The following TYW1 variants were observed in gnomAD, a reference collection of about 807,000 sequenced individuals.
TYW1 encodes the protein S-adenosyl-L-methionine-dependent tRNA 4-demethylwyosine synthase TYW1.
TYW1 carries 46 observed loss-of-function variants against 96.2 expected under a neutral mutation model. That is an observed-to-expected ratio of 0.48 (90% CI 0.38 to 0.61). TYW1 has a LOEUF of 0.61. Among genes scored for constraint, TYW1 ranks in the 20% least tolerant of loss-of-function variants. TYW1 has a pLI of 0.00. For missense variants in TYW1, 684 were observed against 909.6 expected (o/e 0.75, Z 3.19); for synonymous variants, 274 against 323.0 (o/e 0.85, Z 1.63).
At chr7:67,105,652 G>A (rs970603582) in intron 12 of TYW1, among the ~76,000 whole-genome samples, 2 of 152,190 alleles carry the variant, frequency 1.3e-5, no homozygotes, top group Admixed American at 6.5e-5. Flanking sequence ...CCCTGAGGCT[G>A]AGTGTCATCT....
At chr7:67,211,863 G>A (rs4504527) in intron 15 of TYW1, among the ~76,000 whole-genome samples, 40,658 of 151,968 alleles carry the variant, frequency 0.27, 5,768 homozygotes, top group African/African-American at 0.36. Flanking sequence ...TTAGGTCAGC[G>A]TCTTTCCCCC....
intron 13 of TYW1, among the ~76,000 whole-genome samples, chr7:67,139,353 A>G (rs1195562365): frequency 2.0e-5 from 3 of 152,188 alleles, no homozygotes; most frequent in South Asian, 2.1e-4. Context: ...TGCCCGGCCT[A>G]TTTATGGATC....
intron 14 of TYW1, among the ~76,000 whole-genome samples, chr7:67,189,259 A>G (rs1426279585): frequency 9.2e-5 from 14 of 152,036 alleles, no homozygotes; most frequent in Admixed American, 9.2e-4. Context: ...TGCCCTCGGC[A>G]TCTTTTCTCC....
chr7:67,061,843 C>T (rs534166500), intron 9 of TYW1, among the ~76,000 whole-genome samples: 10 of 152,128 alleles, frequency 6.6e-5, no homozygotes, highest in South Asian at 4.1e-4. Flanking sequence ...ATAGCTTATG[C>T]GAGAAAAATG....
At chr7:67,172,598 T>C (rs1358328245) in intron 13 of TYW1, among the ~76,000 whole-genome samples, 1 of 152,056 alleles carries the variant, frequency 6.6e-6, no homozygotes, top group African/African-American at 2.4e-5. Context: ...TTTTTTTGTA[T>C]TTTTAGTAGA....
chr7:67,117,288 T>TA lies in TYW1; in HGVS notation c.1563-189dup, dbSNP rs1797624330. ...GTATTAGGGATGGTTTCCAGTCATT[T>TA]AAAAAATAACCAGAGGCCGTCCCAT... On this transcript the variant is annotated intron_variant, in intron 12 of 15. Transcript: ENST00000359626. Among the ~76,000 whole-genome samples the TA allele has an allele frequency of 2.6e-5, 4 of 152,294 alleles. No homozygotes were observed. In the South Asian group the frequency reaches 8.3e-4, roughly 32 times the overall value.
chr7:67,076,101 A>G (rs973874220), intron 10 of TYW1, among the ~76,000 whole-genome samples: 2 of 152,104 alleles, frequency 1.3e-5, no homozygotes, highest in Admixed American at 6.6e-5. Flanking sequence ...GCATTCCACA[A>G]TTTACTTCCT....
At chr7:67,006,848 T>G (rs1457867228) in intron 3 of TYW1, among the ~76,000 whole-genome samples, 8 of 150,126 alleles carry the variant, frequency 5.3e-5, no homozygotes, top group Non-Finnish European at 1.2e-4. Context: ...GGTGCCAACA[T>G]CCACTTGGCT....
chr7:67,138,532 ATATT>A (rs1176485664), intron 13 of TYW1, among the ~76,000 whole-genome samples: 7 of 152,098 alleles, frequency 4.6e-5, no homozygotes, highest in African/African-American at 1.7e-4. Flanking sequence ...ATGTTTGACT[ATATT>A]GTCAACCTGT....
At chr7:67,197,446 C>T (rs35120837) in intron 15 of TYW1, among the ~76,000 whole-genome samples, 26 of 151,828 alleles carry the variant, frequency 1.7e-4, no homozygotes, top group Admixed American at 1.5e-3. Flanking sequence ...CTGCCTTAGC[C>T]GCCCGAGTAG....
chr7:67,124,024 A>G (rs2116014922), intron 13 of TYW1, among the ~76,000 whole-genome samples: 1 of 152,324 alleles, frequency 6.6e-6, no homozygotes, highest in South Asian at 2.1e-4. Context: ...TAAAGAAGTC[A>G]AAGGCATTTC....
In TYW1 at chr7:67,038,330, G is replaced by C. The variant is rs566598167; in HGVS notation, c.985-11619G>C. Among the ~76,000 whole-genome samples the C allele has an allele frequency of 6.6e-5, 10 of 151,692 alleles. No homozygotes were observed. The South Asian group carries it at 2.1e-3, about 32-fold the overall frequency. On this transcript the variant is annotated intron_variant, in intron 7 of 15. Coordinates refer to ENST00000359626, the MANE Select transcript of TYW1 (RefSeq NM_018264.4). The stretch of plus-strand genomic sequence containing the variant: ...TAAATTCACGTCCACACCAGGCCGG[G>C]CTTGGTGGCTCATTCCTGTAATCCC...
intron 13 of TYW1, among the ~76,000 whole-genome samples, chr7:67,120,491 T>C (rs1374445835): frequency 6.6e-6 from 1 of 152,212 alleles, no homozygotes; most frequent in African/African-American, 2.4e-5. Flanking sequence ...TCTTTTGCTG[T>C]TTTATGCCCG....
chr7:67,234,861 C>G (rs1428891518), intron 15 of TYW1, among the ~76,000 whole-genome samples: 2 of 151,864 alleles, frequency 1.3e-5, no homozygotes, highest in African/African-American at 4.8e-5. Flanking sequence ...AGTGCATTGC[C>G]TGCAGTTTTG....
chr7:67,001,776 T>C (rs1010520847), intron 3 of TYW1, among the ~76,000 whole-genome samples: 2 of 150,162 alleles, frequency 1.3e-5, no homozygotes, highest in African/African-American at 4.9e-5. Flanking sequence ...CTCATGCCTG[T>C]AATCTCAGCA....
intron 3 of TYW1, among the ~76,000 whole-genome samples, chr7:67,006,271 T>A (rs1793583627): frequency 6.6e-6 from 1 of 152,126 alleles, no homozygotes; most frequent in Admixed American, 6.6e-5. Context: ...CTCTTGTTCC[T>A]GCCATGTCAT....
chr7:67,132,947 A>G (rs545867415), intron 13 of TYW1, among the ~76,000 whole-genome samples: 95 of 152,216 alleles, frequency 6.2e-4, no homozygotes, highest in Middle Eastern at 3.4e-3. Context: ...CTTTGTGCAC[A>G]TGTGCAATAA....
chr7:67,073,920 A>G (rs1217465243), intron 10 of TYW1, among the ~76,000 whole-genome samples: 1 of 150,938 alleles, frequency 6.6e-6, no homozygotes, highest in Non-Finnish European at 1.5e-5. Context: ...GTCTCCACTA[A>G]AAATAGAAAA....
At chr7:67,051,134 T>C (rs1216370426) in intron 8 of TYW1, among the ~76,000 whole-genome samples, 1 of 152,138 alleles carries the variant, frequency 6.6e-6, no homozygotes, top group East Asian at 1.9e-4. Flanking sequence ...CCTCCCAAAG[T>C]GCTGGGATTA....
Sources: allele counts gnomAD v4.1 joint callset (sites outside exome capture counted in the v4.1 genomes callset), GRCh38; gene constraint gnomAD v4.1.1; transcripts MANE v1.5; gene names NCBI Gene and HGNC (gene_info 2026-07-23, HGNC 2026-07-21).